Variants in NVL observed in about 807,000 individuals in gnomAD.
NVL encodes nuclear VCP like.
Under a neutral mutation model 110.2 loss-of-function variants are expected in NVL, and 84 were observed. The observed-to-expected ratio is 0.76, with a 90% confidence interval of 0.64 to 0.91. The LOEUF (loss-of-function observed/expected upper bound fraction) is 0.91. Ranked by LOEUF, NVL falls within the 40% of genes least tolerant of loss-of-function variation. NVL has a pLI of 0.00. For synonymous variants in NVL, 354 were observed against 361.1 expected (o/e 0.98, Z 0.22); for missense variants, 882 against 1,035.9 (o/e 0.85, Z 2.04).
chr1:224,253,725 C>T (rs1324710197), intron 18 of NVL, among the ~76,000 whole-genome samples: 2 of 122,720 alleles, frequency 1.6e-5, no homozygotes, highest in South Asian at 2.9e-4. Flanking sequence ...GAGCAAGGCT[C>T]GGTCTCAAAA....
At chr1:224,303,884 CT>C in intron 8 of NVL, 27 bp from the exon 9 acceptor site, 1 of 1,581,456 alleles carries the variant, frequency 6.3e-7, no homozygotes, top group Non-Finnish European at 8.6e-7. Context: ...ACAAAGATGT[CT>C]TTCAAGACAG....
chr1:224,330,140 C>A lies in NVL; in HGVS notation c.-13G>T, dbSNP rs2896990. On this transcript the variant is annotated 5_prime_UTR_variant, in exon 1 of 23. Transcript: ENST00000281701. ...GTCTGGGCTTCATCGCGTCGGTCTT[C>A]CAAGCCACAGCTCGGACCGCCAGCT... is the stretch of plus-strand genomic sequence containing the variant. The A allele has an allele frequency of 6.2e-7, 1 of 1,613,806 alleles. No individual in the cohort carries two copies. Among genetic ancestry groups the A allele is most frequent in the Non-Finnish European group, 8.5e-7 (1 of 1,179,852 alleles).
chr1:224,288,978 T>A (rs73130434), intron 13 of NVL, among the ~76,000 whole-genome samples: 1 of 152,232 alleles, frequency 6.6e-6, no homozygotes, highest in Non-Finnish European at 1.5e-5. Context: ...AACAGACCAC[T>A]GTAATCTACC....
intron 18 of NVL, among the ~76,000 whole-genome samples, chr1:224,255,820 CCA>C (rs1352286351): frequency 6.6e-6 from 1 of 152,174 alleles, no homozygotes; most frequent in Non-Finnish European, 1.5e-5. Context: ...AAAAATTTCT[CCA>C]GTGTTTTCTT....
chr1:224,251,186 ATTGC>A (rs762099059), intron 18 of NVL, among the ~76,000 whole-genome samples: 17 of 144,778 alleles, frequency 1.2e-4, no homozygotes, highest in Non-Finnish European at 2.1e-4. Context: ...AGGCAGGAAA[ATTGC>A]TTGAGCCTGG....
At chr1:224,296,266 G>A (rs542525668) in intron 11 of NVL, among the ~76,000 whole-genome samples, 1 of 152,144 alleles carries the variant, frequency 6.6e-6, no homozygotes, top group East Asian at 1.9e-4. Context: ...TATTTTTAGA[G>A]GTAGCATCTC....
At chr1:224,280,886 C>T (rs1459868197) in intron 16 of NVL, among the ~76,000 whole-genome samples, 1 of 152,160 alleles carries the variant, frequency 6.6e-6, no homozygotes, top group Non-Finnish European at 1.5e-5. Flanking sequence ...AATCTTTGCT[C>T]TACTGCTTCT....
rs1460200828 is a variant in NVL, at chr1:224,317,665, TA to T, written c.284+28del. 5.2e-6 allele frequency: 7 copies of T among 1,339,572 alleles called. No individual in the cohort carries two copies. The East Asian group carries it at 6.9e-5, about 13-fold the overall frequency. The allele number at this position is 1,339,572 out of a possible 1,614,324, so 83.0% of individuals were successfully genotyped here. On this transcript the variant is annotated intron_variant, in intron 4 of 22. Transcript: ENST00000281701. ...ATGTAACATGATAAAGTTCATGGTTTAAAAAAACCCTGCATTTGGTATACTT... is the reference window on the plus strand; with the variant it reads ...ATGTAACATGATAAAGTTCATGGTTTAAAAAACCCTGCATTTGGTATACTT...
intron 2 of NVL, among the ~76,000 whole-genome samples, chr1:224,318,542 C>T (rs1044645896): frequency 1.3e-5 from 2 of 151,974 alleles, no homozygotes; most frequent in African/African-American, 4.8e-5. Flanking sequence ...GTGAAGGCTG[C>T]AGTGAGCCGT....
chr1:224,285,532 T>C (rs1666778036), intron 15 of NVL, among the ~76,000 whole-genome samples: 1 of 152,162 alleles, frequency 6.6e-6, no homozygotes, highest in Admixed American at 6.5e-5. Flanking sequence ...CATAGAAAAA[T>C]ATCTGAAGGA....
intron 2 of NVL, among the ~76,000 whole-genome samples, chr1:224,323,350 G>T (rs767000247): frequency 9.9e-5 from 15 of 152,236 alleles, no homozygotes; most frequent in Non-Finnish European, 1.6e-4. Context: ...AGAACCTGAA[G>T]ATTGGAAAAT....
intron 19 of NVL, among the ~76,000 whole-genome samples, chr1:224,241,010 C>T (rs1661138004): frequency 6.6e-6 from 1 of 151,880 alleles, no homozygotes; most frequent in Non-Finnish European, 1.5e-5. Flanking sequence ...AGGCTGGTCT[C>T]AAACTCCTGA....
rs748862546 is a variant in NVL at position 224,268,030 on chromosome 1, T to G, written c.2182+4A>C. The stretch of plus-strand genomic sequence containing the variant: ...ATCTGTGTTACAATATTTTTATTTC[T>G]TACCTGGCCTGTTAGTGGCTGCCAT... On this transcript the variant is annotated splice_donor_region_variant and intron_variant, in intron 18 of 22. Coordinates refer to ENST00000281701, the MANE Select transcript of NVL (RefSeq NM_002533.4). 1 of 1,603,054 alleles carries G rather than the reference T, an allele frequency of 6.2e-7. No individual in the cohort carries two copies.
intron 19 of NVL, among the ~76,000 whole-genome samples, chr1:224,242,032 CAA>C (rs922580258): frequency 7.3e-6 from 1 of 136,632 alleles, no homozygotes. Flanking sequence ...AACTCCGTCT[CAA>C]AAAAAAAAAA....
intron 2 of NVL, 74 bp from the exon 3 acceptor site, chr1:224,318,004 ATC>A: frequency 9.8e-7 from 1 of 1,022,898 alleles, no homozygotes; most frequent in Non-Finnish European, 1.5e-6. Context: ...ATCTAAATGG[ATC>A]AAATAAATTT....
intron 12 of NVL, among the ~76,000 whole-genome samples, chr1:224,292,196 G>T (rs1667441121): frequency 6.6e-6 from 1 of 152,130 alleles, no homozygotes; most frequent in Admixed American, 6.6e-5. Flanking sequence ...TTGAGGGCAG[G>T]AGTTCAAGAT....
In NVL at chr1:224,238,394, G is replaced by A. The variant is rs115342399; in HGVS notation, c.2290-1812C>T. 3.0e-3 allele frequency among the ~76,000 whole-genome samples: 460 copies of A among 152,238 alleles called. 4 individuals carry two copies. Among genetic ancestry groups the A allele is most frequent in the African/African-American group, 0.01 (436 of 41,558 alleles). The stretch of plus-strand genomic sequence containing the variant: ...AAGTGCTCCAGGCACAGGGTTCGGC[G>A]ACCTGGCTGAGAGGACTGGAGCTGC... On this transcript the variant is annotated intron_variant, in intron 19 of 22. Transcript: ENST00000281701.
Position 224,303,561 on chromosome 1 carries a change from T to C in NVL, c.960+162A>G, listed in dbSNP as rs552511475. ...ACAATAAATAAACTAAATGAATAAA[T>C]TCCACAAATAATACCAGCATGATAA... On this transcript the variant is annotated intron_variant, in intron 9 of 22. Coordinates refer to ENST00000281701, the MANE Select transcript of NVL (RefSeq NM_002533.4). Among the ~76,000 whole-genome samples the C allele has an allele frequency of 4.6e-5, 7 of 150,984 alleles. No homozygotes were observed. The East Asian group carries it at 1.4e-3, about 30-fold the overall frequency.
intron 15 of NVL, 56 bp from the exon 16 acceptor site, chr1:224,281,241 A>G: frequency 7.5e-7 from 1 of 1,334,714 alleles, no homozygotes; most frequent in East Asian, 2.3e-5. Context: ...AATAATAACA[A>G]TAATAATGAT....
Sources: allele counts gnomAD v4.1 joint callset (sites outside exome capture counted in the v4.1 genomes callset), GRCh38; gene constraint gnomAD v4.1.1; transcripts MANE v1.5; gene names NCBI Gene and HGNC (gene_info 2026-07-23, HGNC 2026-07-21).